GOLPH3: variants seen among roughly 807,000 people sequenced by gnomAD.
GOLPH3 encodes coat protein GPP34.
GOLPH3 carries 14 observed loss-of-function variants against 28.5 expected under a neutral mutation model. The observed-to-expected ratio is 0.49, with a 90% CI of 0.32 to 0.77. The LOEUF is 0.77. GOLPH3 is among the 30% of genes least tolerant of loss of function. GOLPH3 has a pLI of 0.03. For synonymous variants in GOLPH3, 158 were observed against 159.2 expected, an observed-to-expected ratio of 0.99 and a Z score of 0.06; for missense variants, 350 against 393.7, an observed-to-expected ratio of 0.89 and a Z score of 0.94.
intron 1 of GOLPH3, among the ~76,000 whole-genome samples, chr5:32,157,811 C>T (rs978814041): frequency 2.0e-5 from 3 of 151,764 alleles, no homozygotes; most frequent in African/African-American, 7.3e-5. Context: ...AACCCCATCG[C>T]TACTAAAAAT....
chr5:32,153,399 A>G (rs1746353401), intron 1 of GOLPH3, among the ~76,000 whole-genome samples: 1 of 151,882 alleles, frequency 6.6e-6, no homozygotes, highest in Non-Finnish European at 1.5e-5. Context: ...CTTGCAATAT[A>G]ATTATATGCA....
Position 32,125,997 on chromosome 5 carries a change from ATGG to A in GOLPH3, c.*212_*214del, listed in dbSNP as rs1745668956. On this transcript the variant is annotated 3_prime_UTR_variant, in exon 4 of 4. Coordinates refer to ENST00000265070, the MANE Select transcript of GOLPH3 (RefSeq NM_022130.4). ...TGGCAACAGGGAATGGAATGCCAATATGGCAGTAAAACTTTTTTTAAAAACAGA... is the reference window on the plus strand; with the variant it reads ...TGGCAACAGGGAATGGAATGCCAATACAGTAAAACTTTTTTTAAAAACAGA... The A allele has an allele frequency of 8.0e-6, 4 of 499,122 alleles. No individual in the cohort carries two copies. The highest frequency in any genetic ancestry group is 1.4e-5 in the Non-Finnish European group (4 of 285,816). The allele number at this position is 499,122 out of a possible 1,614,324, so 30.9% of individuals were successfully genotyped here. A position where few individuals can be genotyped will look rare whatever the true frequency, so the allele number is the denominator to read the frequency against.
rs1358862033 is a variant in GOLPH3, at chr5:32,124,789, T to C, written c.*1423A>G. 1 of 152,522 alleles carries C rather than the reference T, an allele frequency of 6.6e-6. No homozygotes were observed. The highest frequency in any genetic ancestry group is 1.5e-5 in the Non-Finnish European group (1 of 68,032). 9.4% of individuals were successfully genotyped at this position (152,522 alleles called of 1,614,324 possible). ...ATAGTATACATATTAGGGAATCCCTTAAAATTCAACTCTAGAGTTATACAC... is the reference window on the plus strand; with the variant it reads ...ATAGTATACATATTAGGGAATCCCTCAAAATTCAACTCTAGAGTTATACAC... On this transcript the variant is annotated 3_prime_UTR_variant, in exon 4 of 4. Coordinates refer to ENST00000265070, the MANE Select transcript of GOLPH3 (RefSeq NM_022130.4).
At chr5:32,145,265 G>C (rs190243437) in intron 1 of GOLPH3, among the ~76,000 whole-genome samples, 69 of 152,326 alleles carry the variant, frequency 4.5e-4, no homozygotes, top group Admixed American at 3.0e-3. Flanking sequence ...AAAAACATCA[G>C]TGTTAAGAGA....
chr5:32,164,428 C>T (rs983101764), intron 1 of GOLPH3, among the ~76,000 whole-genome samples: 12 of 151,372 alleles, frequency 7.9e-5, no homozygotes, highest in Admixed American at 7.3e-4. Flanking sequence ...GAGTCTCACT[C>T]TGTTGCCCAG....
chr5:32,158,018 TA>T lies in GOLPH3; in HGVS notation c.226-14139del, dbSNP rs1364831757. On this transcript the variant is annotated intron_variant, in intron 1 of 3. Coordinates refer to ENST00000265070, the MANE Select transcript of GOLPH3 (RefSeq NM_022130.4). ...ATAAATAAATAAATAAATAAATAAATAAAATACACACACACACACACACACA... is the reference window on the plus strand; with the variant it reads ...ATAAATAAATAAATAAATAAATAAATAAATACACACACACACACACACACA... 2.2e-3 allele frequency among the ~76,000 whole-genome samples: 60 copies of T among 26,960 alleles called. 3 individuals are homozygous for T. Among genetic ancestry groups the T allele is most frequent in the Admixed American group, 3.9e-3 (7 of 1,796 alleles). 17.7% of individuals were successfully genotyped at this position (26,960 alleles called of 152,430 possible).
At chr5:32,141,720 G>T (rs534644167) in intron 2 of GOLPH3, among the ~76,000 whole-genome samples, 159 of 152,286 alleles carry the variant, frequency 1.0e-3, no homozygotes, top group African/African-American at 3.3e-3. Context: ...TCCTGCCTCA[G>T]CTAGCCGAGT....
At chr5:32,150,579 A>G (rs1313887203) in intron 1 of GOLPH3, among the ~76,000 whole-genome samples, 2 of 152,088 alleles carry the variant, frequency 1.3e-5, no homozygotes, top group Non-Finnish European at 2.9e-5. Context: ...CAACAGAATA[A>G]ATTCCAGAAA....
At chr5:32,140,396 C>G (rs1746030639) in intron 2 of GOLPH3, among the ~76,000 whole-genome samples, 1 of 152,056 alleles carries the variant, frequency 6.6e-6, no homozygotes, top group African/African-American at 2.4e-5. Flanking sequence ...TGGCTTACGC[C>G]TATAATCCCA....
At chr5:32,155,374 T>C (rs570830095) in intron 1 of GOLPH3, among the ~76,000 whole-genome samples, 1 of 152,218 alleles carries the variant, frequency 6.6e-6, no homozygotes, top group South Asian at 2.1e-4. Context: ...TTTTTAGCAA[T>C]GGGATCTCAC....
chr5:32,166,807 TAA>T (rs79462316), intron 1 of GOLPH3, among the ~76,000 whole-genome samples: 18 of 135,856 alleles, frequency 1.3e-4, no homozygotes, highest in Non-Finnish European at 1.8e-4. Flanking sequence ...GACTCCATCT[TAA>T]AAAAAAAAAA....
chr5:32,144,691 A>G, intron 1 of GOLPH3, among the ~76,000 whole-genome samples: 1 of 152,238 alleles, frequency 6.6e-6, no homozygotes, highest in East Asian at 1.9e-4. Flanking sequence ...AATAATAAAC[A>G]GTATAACAAT....
At chr5:32,128,530 T>C (rs1052629686) in intron 3 of GOLPH3, among the ~76,000 whole-genome samples, 2 of 151,962 alleles carry the variant, frequency 1.3e-5, no homozygotes, top group African/African-American at 4.8e-5. Context: ...ATCGTGGCAG[T>C]TGCCTGTAAT....
At chr5:32,171,807 G>A (rs557701925) in intron 1 of GOLPH3, among the ~76,000 whole-genome samples, 210 of 152,166 alleles carry the variant, frequency 1.4e-3, no homozygotes, top group Non-Finnish European at 2.7e-3. Context: ...CATTAGCAGG[G>A]CGTGGTGGTG....
chr5:32,173,375 C>G (rs973535492), intron 1 of GOLPH3, among the ~76,000 whole-genome samples: 1 of 151,962 alleles, frequency 6.6e-6, no homozygotes, highest in African/African-American at 2.4e-5. Context: ...CAAGCAGATC[C>G]GGGCACCCCT....
chr5:32,163,357 A>G (rs1454928793), intron 1 of GOLPH3, among the ~76,000 whole-genome samples: 2 of 152,208 alleles, frequency 1.3e-5, no homozygotes, highest in Non-Finnish European at 2.9e-5. Flanking sequence ...TTCTATGCAG[A>G]CTGAATGCTC....
At chr5:32,161,347 T>G (rs1157482013) in intron 1 of GOLPH3, among the ~76,000 whole-genome samples, 2 of 138,918 alleles carry the variant, frequency 1.4e-5, no homozygotes, top group Non-Finnish European at 3.0e-5. Context: ...GAGGCTGCAG[T>G]GAGCAGAGAT....
At position 32,128,899 on chromosome 5, in the gene GOLPH3, G is replaced by C. The variant is rs576864900; in HGVS notation, c.473-2263C>G. Among the ~76,000 whole-genome samples the C allele has an allele frequency of 2.0e-5, 3 of 152,030 alleles. No individual in the cohort carries two copies. In the East Asian group the frequency reaches 5.8e-4, roughly 29 times the overall value. On this transcript the variant is annotated intron_variant, in intron 3 of 3. Transcript: ENST00000265070. Reference sequence around the variant, plus strand: ...GTCAACAGAAACAGTCCCAGCCTGGGCAACATGGTGAAATCCCGTCTCTAC... The same window carrying C: ...GTCAACAGAAACAGTCCCAGCCTGGCCAACATGGTGAAATCCCGTCTCTAC...
chr5:32,172,756 G>A (rs1746869086), intron 1 of GOLPH3, among the ~76,000 whole-genome samples: 1 of 152,052 alleles, frequency 6.6e-6, no homozygotes, highest in Non-Finnish European at 1.5e-5. Flanking sequence ...CCTGCCTCAG[G>A]AGGCTGAGGC....
Sources: allele counts gnomAD v4.1 joint callset (sites outside exome capture counted in the v4.1 genomes callset), GRCh38; gene constraint gnomAD v4.1.1; transcripts MANE v1.5; gene names NCBI Gene and HGNC (gene_info 2026-07-23, HGNC 2026-07-21).